Variants in TSHZ2 observed in about 807,000 individuals in gnomAD.
The protein encoded by TSHZ2 is teashirt zinc finger homeobox 2, also known as teashirt homolog 2.
In TSHZ2, 21 loss-of-function variants were observed where a neutral mutation model predicts 74.4. The observed-to-expected ratio is 0.28, with a 90% CI of 0.20 to 0.41. The LOEUF (loss-of-function observed/expected upper bound fraction) is 0.41, where lower values mean the gene tolerates loss of function less well. Ranked by LOEUF, TSHZ2 falls within the 10% of genes least tolerant of loss-of-function variation. The probability of loss-of-function intolerance (pLI) is 1.00; values close to 1 mark genes in which losing one functional copy is unlikely to be tolerated. For synonymous variants in TSHZ2, 540 were observed against 515.3 expected (o/e 1.05, Z -0.65); for missense variants, 1,244 against 1,293.5 (o/e 0.96, Z 0.59).
chr20:53,286,679 A>G (rs896509989), intron 2 of TSHZ2, among the ~76,000 whole-genome samples: 1 of 152,180 alleles, frequency 6.6e-6, no homozygotes, highest in African/African-American at 2.4e-5. Context: ...GCTTGAGCCC[A>G]GGAGTTTGAG....
At chr20:53,101,123 A>G (rs1203538389) in intron 1 of TSHZ2, among the ~76,000 whole-genome samples, 1 of 152,190 alleles carries the variant, frequency 6.6e-6, no homozygotes, top group Admixed American at 6.5e-5. Flanking sequence ...ATGCCGTTCT[A>G]AGGACATCTG....
chr20:53,367,120 G>A (rs966710963), intron 2 of TSHZ2, among the ~76,000 whole-genome samples: 1 of 152,146 alleles, frequency 6.6e-6, no homozygotes, highest in African/African-American at 2.4e-5. Context: ...TCTCAGCCGG[G>A]CGTGGTGACT....
At chr20:53,266,928 C>T (rs911148469) in intron 2 of TSHZ2, among the ~76,000 whole-genome samples, 1 of 151,868 alleles carries the variant, frequency 6.6e-6, no homozygotes, top group Non-Finnish European at 1.5e-5. Context: ...CGGGTGCCAC[C>T]ACCACACTCA....
chr20:53,412,572 C>G (rs750894853), intron 2 of TSHZ2: 6 of 152,300 alleles, frequency 3.9e-5, no homozygotes, highest in African/African-American at 7.2e-5. Flanking sequence ...GTTCTGTGGA[C>G]GGTTCCCTCT....
intron 2 of TSHZ2, among the ~76,000 whole-genome samples, chr20:53,270,286 A>G (rs1319587100): frequency 6.6e-6 from 1 of 152,156 alleles, no homozygotes; most frequent in African/African-American, 2.4e-5. Context: ...CCTTGAGTTA[A>G]TGACTGATGT....
At chr20:53,100,410 G>A (rs908877642) in intron 1 of TSHZ2, among the ~76,000 whole-genome samples, 1 of 152,116 alleles carries the variant, frequency 6.6e-6, no homozygotes, top group Non-Finnish European at 1.5e-5. Context: ...CAGAGCTCAA[G>A]TTGCATCAAA....
In TSHZ2 at chr20:53,495,138, T is replaced by G. The variant is rs935398057; in HGVS notation, c.*8003T>G. ...GCTTTGGCCAATTGAAAAATGAAAATTAAAGGAGAGAAGAAAAAAAACACA... is the reference window on the plus strand; with the variant it reads ...GCTTTGGCCAATTGAAAAATGAAAAGTAAAGGAGAGAAGAAAAAAAACACA... On this transcript the variant is annotated 3_prime_UTR_variant, in exon 3 of 3. Coordinates refer to ENST00000371497, the MANE Select transcript of TSHZ2 (RefSeq NM_173485.6). 2 of 151,674 alleles carry G rather than the reference T, an allele frequency of 1.3e-5. No homozygotes were observed. The highest frequency in any genetic ancestry group is 4.9e-5 in the African/African-American group (2 of 41,236). The allele number at this position is 151,674 out of a possible 1,614,324, so 9.4% of individuals were successfully genotyped here.
At chr20:53,294,497 CAG>C (rs1468978123) in intron 2 of TSHZ2, among the ~76,000 whole-genome samples, 2 of 151,898 alleles carry the variant, frequency 1.3e-5, no homozygotes, top group African/African-American at 2.4e-5. Flanking sequence ...GAGAGAGAGA[CAG>C]AGAGTATTTT....
At chr20:52,988,789 C>T (rs964450899) in intron 1 of TSHZ2, among the ~76,000 whole-genome samples, 8 of 152,084 alleles carry the variant, frequency 5.3e-5, no homozygotes, top group Non-Finnish European at 7.4e-5. Flanking sequence ...CCATCTGGGG[C>T]GTCTCAGTAA....
intron 1 of TSHZ2, among the ~76,000 whole-genome samples, chr20:53,134,739 T>C (rs2123395648): frequency 6.6e-6 from 1 of 152,330 alleles, no homozygotes; most frequent in South Asian, 2.1e-4. Flanking sequence ...GATCACATTA[T>C]ATGATATTTG....
At chr20:53,046,183 G>A (rs922856986) in intron 1 of TSHZ2, among the ~76,000 whole-genome samples, 1 of 152,188 alleles carries the variant, frequency 6.6e-6, no homozygotes, top group African/African-American at 2.4e-5. Flanking sequence ...TATGAGACAA[G>A]CATGGGAACA....
chr20:53,254,966 A>T lies in TSHZ2; in HGVS notation c.1508A>T (p.Glu503Val). 1 of 1,614,204 alleles carries T rather than the reference A, an allele frequency of 6.2e-7. No individual in the cohort carries two copies. ...ACAATCAAATATCAATACCTAAGGG[A>T]GGAAGACTTGGAAGATGGCTCAAAG... is the stretch of plus-strand genomic sequence containing the variant. ...DPTIKYQYLR[E>V]EDLEDGSKGG... Residue 503 changes from glutamate to valine, a missense_variant, in exon 2 of 3, where the codon GAG (glutamate) becomes GTG (valine). Glu to Val is a moderately radical substitution (Grantham distance 121). This residue lies in a region of TSHZ2 where 562 missense variants were observed against 544.0 expected (regional missense o/e 1.03). Transcript: ENST00000371497.
chr20:53,254,124 G>A lies in TSHZ2; in HGVS notation c.666G>A (p.Ala222=), dbSNP rs753806553. The A allele has an allele frequency of 2.3e-5, 37 of 1,613,992 alleles. 1 individual carries two copies. Among genetic ancestry groups the A allele is most frequent in the Admixed American group, 3.3e-5 (2 of 60,008 alleles). Residue 222 remains alanine, a synonymous_variant, in exon 2 of 3, where the codon GCG becomes GCA. Coordinates refer to ENST00000371497, the MANE Select transcript of TSHZ2 (RefSeq NM_173485.6). The part of the protein sequence containing the change: ...ASRFRCRQCS[A]AYDTLVELTV... ...GATTCCGATGCCGACAGTGCAGCGC[G>A]GCCTATGACACCCTAGTCGAGCTGA...
intron 2 of TSHZ2, among the ~76,000 whole-genome samples, chr20:53,323,410 G>GATGAATGAATGAATGA (rs56672853): frequency 0.025 from 3,719 of 150,720 alleles, 92 homozygotes; most frequent in African/African-American, 0.069. Flanking sequence ...ATACTTGTTT[G>GATGAATGAATGAATGA]ATGAATGAAT....
At chr20:53,144,119 C>G (rs6097256) in intron 1 of TSHZ2, among the ~76,000 whole-genome samples, 14,720 of 152,130 alleles carry the variant, frequency 0.097, 1,935 homozygotes, top group African/African-American at 0.3. Flanking sequence ...AGTGCAGGGT[C>G]TGCATAATAC....
chr20:53,267,417 C>A (rs1031245093), intron 2 of TSHZ2, among the ~76,000 whole-genome samples: 1 of 152,202 alleles, frequency 6.6e-6, no homozygotes, highest in Admixed American at 6.5e-5. Context: ...AATATTTCAG[C>A]CTCTGCTCAG....
intron 1 of TSHZ2, among the ~76,000 whole-genome samples, chr20:53,140,539 C>CAAAAAA (rs34045440): frequency 1.3e-5 from 1 of 79,782 alleles, no homozygotes; most frequent in Non-Finnish European, 2.4e-5. Context: ...GACTCCGTCT[C>CAAAAAA]AAAAAAAAAA....
At chr20:53,466,008 G>T (rs1985547224) in intron 2 of TSHZ2, among the ~76,000 whole-genome samples, 1 of 151,574 alleles carries the variant, frequency 6.6e-6, no homozygotes, top group African/African-American at 2.4e-5. Context: ...GCACTTTGGG[G>T]GGCCCAAGGC....
intron 1 of TSHZ2, among the ~76,000 whole-genome samples, chr20:53,156,717 A>G (rs940251969): frequency 6.6e-6 from 1 of 152,240 alleles, no homozygotes; most frequent in African/African-American, 2.4e-5. Context: ...ACATTTCAGG[A>G]TGAAAGACCA....
Sources: allele counts gnomAD v4.1 joint callset (sites outside exome capture counted in the v4.1 genomes callset), GRCh38; gene constraint gnomAD v4.1.1; regional missense constraint gnomAD v4.1.1; transcripts MANE v1.5; gene names NCBI Gene and HGNC (gene_info 2026-07-23, HGNC 2026-07-21).